CADM2: variants seen among roughly 807,000 people sequenced by gnomAD.
CADM2 encodes cell adhesion molecule 2.
Under a neutral mutation model 49.8 loss-of-function variants are expected in CADM2, and 12 were observed. The observed-to-expected ratio is 0.24, with a 90% CI of 0.15 to 0.39. The LOEUF is 0.39. Among genes scored for constraint, CADM2 ranks in the 10% least tolerant of loss-of-function variants. The pLI is 1.00. For synonymous variants in CADM2, 214 were observed against 175.4 expected (o/e 1.22, Z -1.74); for missense variants, 378 against 492.3 (o/e 0.77, Z 2.20).
chr3:86,048,559 A>G (rs1480360087), intron 8 of CADM2, among the ~76,000 whole-genome samples: 3 of 152,124 alleles, frequency 2.0e-5, no homozygotes, highest in African/African-American at 7.2e-5. Context: ...ATTAAATTAA[A>G]TCCTATTAAA....
intron 1 of CADM2, among the ~76,000 whole-genome samples, chr3:85,203,048 G>A (rs1293850109): frequency 6.6e-6 from 1 of 152,104 alleles, no homozygotes; most frequent in East Asian, 1.9e-4. Context: ...TCTGGATTAG[G>A]TTTCGGCTAA....
At chr3:85,636,301 G>T (rs1385512070) in intron 1 of CADM2, among the ~76,000 whole-genome samples, 8 of 151,934 alleles carry the variant, frequency 5.3e-5, no homozygotes, top group Non-Finnish European at 7.4e-5. Context: ...TAATGTGTGT[G>T]TTTTTGCCTT....
At chr3:85,419,505 G>A (rs556711604) in intron 1 of CADM2, among the ~76,000 whole-genome samples, 3 of 151,942 alleles carry the variant, frequency 2.0e-5, no homozygotes, top group African/African-American at 7.2e-5. Flanking sequence ...ACGAATATGT[G>A]CTGCTATTCT....
intron 8 of CADM2, among the ~76,000 whole-genome samples, chr3:86,008,579 A>C (rs1478448202): frequency 2.0e-5 from 3 of 152,112 alleles, no homozygotes; most frequent in African/African-American, 7.2e-5. Context: ...TAATCTATGC[A>C]AACTGAAATG....
At chr3:85,873,524 G>A (rs899506799) in intron 3 of CADM2, among the ~76,000 whole-genome samples, 1 of 152,078 alleles carries the variant, frequency 6.6e-6, no homozygotes, top group African/African-American at 2.4e-5. Context: ...AAATTAGTCA[G>A]GCATGGTGGT....
chr3:85,626,963 A>G (rs1386385457), intron 1 of CADM2, among the ~76,000 whole-genome samples: 1 of 152,108 alleles, frequency 6.6e-6, no homozygotes, highest in Admixed American at 6.6e-5. Flanking sequence ...CAGAGACTAC[A>G]AAATCAAGCT....
At chr3:85,892,706 A>G (rs769034396) in intron 5 of CADM2, among the ~76,000 whole-genome samples, 1 of 152,178 alleles carries the variant, frequency 6.6e-6, no homozygotes, top group Non-Finnish European at 1.5e-5. Flanking sequence ...CATCTCAGGT[A>G]TGTCTTTATT....
At chr3:85,236,802 G>A (rs2042416986) in intron 1 of CADM2, among the ~76,000 whole-genome samples, 1 of 151,972 alleles carries the variant, frequency 6.6e-6, no homozygotes, top group South Asian at 2.1e-4. Flanking sequence ...TCGTATAAAT[G>A]GAAGGGTGAC....
chr3:85,990,307 T>A (rs183805703), intron 8 of CADM2, among the ~76,000 whole-genome samples: 6 of 152,278 alleles, frequency 3.9e-5, no homozygotes, highest in African/African-American at 1.4e-4. Flanking sequence ...TTGGGTTAGA[T>A]CATTTTGCCT....
intron 8 of CADM2, among the ~76,000 whole-genome samples, chr3:85,985,135 A>G (rs1727935741): frequency 2.0e-5 from 3 of 151,894 alleles, no homozygotes; most frequent in Admixed American, 6.6e-5. Flanking sequence ...ACACATAACA[A>G]ATATTTACTT....
chr3:85,963,038 G>A (rs945818219), intron 8 of CADM2, among the ~76,000 whole-genome samples: 3 of 151,836 alleles, frequency 2.0e-5, no homozygotes, highest in Non-Finnish European at 2.9e-5. Flanking sequence ...AATCTAACAA[G>A]TGTTATTTTT....
At chr3:85,081,519 T>A (rs2037166124) in intron 1 of CADM2, among the ~76,000 whole-genome samples, 1 of 152,212 alleles carries the variant, frequency 6.6e-6, no homozygotes, top group Admixed American at 6.5e-5. Flanking sequence ...AATACACGAC[T>A]TTTTCTACAC....
intron 1 of CADM2, among the ~76,000 whole-genome samples, chr3:85,128,152 C>G (rs967456407): frequency 2.0e-5 from 3 of 152,108 alleles, no homozygotes; most frequent in Non-Finnish European, 4.4e-5. Flanking sequence ...GATTAAAAAT[C>G]CATCCAAGTT....
chr3:85,065,393 C>A (rs2036491164), intron 1 of CADM2, among the ~76,000 whole-genome samples: 1 of 151,968 alleles, frequency 6.6e-6, no homozygotes, highest in Admixed American at 6.6e-5. Flanking sequence ...TTAGGTTTAA[C>A]TACTATTAAT....
intron 1 of CADM2, among the ~76,000 whole-genome samples, chr3:85,689,177 T>A (rs763973430): frequency 1.3e-4 from 20 of 152,186 alleles, no homozygotes; most frequent in Non-Finnish European, 2.6e-4. Flanking sequence ...GCATATTGTA[T>A]GAATATATTT....
At chr3:85,709,304 C>A (rs1448750822) in intron 1 of CADM2, among the ~76,000 whole-genome samples, 1 of 152,052 alleles carries the variant, frequency 6.6e-6, no homozygotes, top group Non-Finnish European at 1.5e-5. Context: ...AACAATTTAT[C>A]TTGGCATTTA....
At chr3:85,271,391 C>T (rs1304028982) in intron 1 of CADM2, among the ~76,000 whole-genome samples, 3 of 151,182 alleles carry the variant, frequency 2.0e-5, no homozygotes, top group Non-Finnish European at 4.4e-5. Context: ...ACACAGAAAT[C>T]TGATTCAATA....
At chr3:85,160,784 A>G (rs2040298798) in intron 1 of CADM2, among the ~76,000 whole-genome samples, 1 of 152,216 alleles carries the variant, frequency 6.6e-6, no homozygotes, top group Non-Finnish European at 1.5e-5. Flanking sequence ...GGCTCTGAGG[A>G]ACTATATAAC....
intron 8 of CADM2, among the ~76,000 whole-genome samples, chr3:86,029,943 A>G (rs1323499147): frequency 6.6e-6 from 1 of 152,064 alleles, no homozygotes; most frequent in Non-Finnish European, 1.5e-5. Context: ...CCCTTGAGGA[A>G]CAGGTGCTTT....
Sources: allele counts gnomAD v4.1 joint callset (sites outside exome capture counted in the v4.1 genomes callset), GRCh38; gene constraint gnomAD v4.1.1; transcripts MANE v1.5; gene names NCBI Gene and HGNC (gene_info 2026-07-23, HGNC 2026-07-21).